COP1: variants seen among roughly 807,000 people sequenced by gnomAD.
COP1 encodes COP1 E3 ubiquitin ligase, also known as E3 ubiquitin-protein ligase COP1.
In COP1, 24 loss-of-function variants were observed where a neutral mutation model predicts 101.3. The observed-to-expected ratio is 0.24, with a 90% CI of 0.17 to 0.33. The LOEUF is 0.33. Ranked by LOEUF, COP1 falls within the 10% of genes least tolerant of loss-of-function variation. The pLI, the probability that COP1 is intolerant of heterozygous loss-of-function variation, is 1.00. For missense variants in COP1, 663 were observed against 906.2 expected, an observed-to-expected ratio of 0.73 and a Z score of 3.45; for synonymous variants, 347 against 341.9, an observed-to-expected ratio of 1.01 and a Z score of -0.17.
At chr1:176,129,818 A>G (rs1170610992) in intron 8 of COP1, among the ~76,000 whole-genome samples, 1 of 151,874 alleles carries the variant, frequency 6.6e-6, no homozygotes, top group Non-Finnish European at 1.5e-5. Context: ...AGATACATTC[A>G]GAAATTTAAA....
intron 9 of COP1, among the ~76,000 whole-genome samples, chr1:176,098,106 T>C (rs1243638121): frequency 6.6e-6 from 1 of 152,184 alleles, no homozygotes; most frequent in East Asian, 1.9e-4. Context: ...GTTTTAAGGT[T>C]ATAACCTGCC....
intron 9 of COP1, among the ~76,000 whole-genome samples, chr1:176,104,401 T>C (rs1404013159): frequency 6.6e-6 from 1 of 152,090 alleles, no homozygotes; most frequent in Non-Finnish European, 1.5e-5. Flanking sequence ...ACACAGGTCA[T>C]AGGTAACAGA....
intron 15 of COP1, among the ~76,000 whole-genome samples, chr1:176,023,758 A>G (rs1667202443): frequency 6.6e-6 from 1 of 151,864 alleles, no homozygotes; most frequent in Admixed American, 6.6e-5. Flanking sequence ...AAGAAAAGAA[A>G]AAGTAAACAC....
At chr1:176,164,416 T>A (rs1694784527) in intron 3 of COP1, among the ~76,000 whole-genome samples, 1 of 152,206 alleles carries the variant, frequency 6.6e-6, no homozygotes, top group Non-Finnish European at 1.5e-5. Context: ...TCAGAGAGGT[T>A]AGATTCCACC....
intron 5 of COP1, among the ~76,000 whole-genome samples, chr1:176,151,952 A>ATT (rs34038117): frequency 1.9e-4 from 26 of 140,254 alleles, no homozygotes; most frequent in African/African-American, 4.2e-4. Context: ...TTTTGAGGGC[A>ATT]TTTTTTTTTT....
intron 15 of COP1, among the ~76,000 whole-genome samples, chr1:176,013,498 C>T (rs1665056939): frequency 6.6e-6 from 1 of 152,128 alleles, no homozygotes. Flanking sequence ...CTACTTGGTT[C>T]TCCTTCCTGC....
chr1:176,198,141 C>T (rs1187832574), intron 1 of COP1, among the ~76,000 whole-genome samples: 1 of 152,072 alleles, frequency 6.6e-6, no homozygotes, highest in Non-Finnish European at 1.5e-5. Flanking sequence ...AATTGGCACG[C>T]TAATCCTAAG....
intron 3 of COP1, among the ~76,000 whole-genome samples, chr1:176,171,164 T>C (rs937303561): frequency 1.3e-5 from 2 of 149,540 alleles, no homozygotes; most frequent in African/African-American, 4.9e-5. Flanking sequence ...CTGTTATATC[T>C]ACACTGAAAA....
At chr1:176,183,350 T>C (rs760904242) in intron 2 of COP1, among the ~76,000 whole-genome samples, 2 of 152,090 alleles carry the variant, frequency 1.3e-5, no homozygotes, top group African/African-American at 4.8e-5. Flanking sequence ...AAGGCTAAAA[T>C]AATATGCCAA....
Position 176,206,468 on chromosome 1 carries a change from C to T in COP1, c.407+104G>A. On this transcript the variant is annotated intron_variant, in intron 1 of 19. Coordinates refer to ENST00000367669, the MANE Select transcript of COP1 (RefSeq NM_022457.7). The stretch of plus-strand genomic sequence containing the variant: ...AGACACCACCACAGCACCAGTATCC[C>T]AAGCTCTCCAACAAGCCACCCCCAC... The T allele has an allele frequency of 5.1e-6, 7 of 1,368,322 alleles. No homozygotes were observed. The South Asian group carries it at 7.2e-5, about 14-fold the overall frequency. 84.8% of individuals were successfully genotyped at this position (1,368,322 alleles called of 1,614,324 possible).
At chr1:176,166,238 C>T (rs1695126704) in intron 3 of COP1, among the ~76,000 whole-genome samples, 2 of 152,212 alleles carry the variant, frequency 1.3e-5, no homozygotes, top group South Asian at 4.1e-4. Flanking sequence ...GCCATCCTCC[C>T]ATCTCAGCCT....
intron 18 of COP1, among the ~76,000 whole-genome samples, chr1:175,951,874 A>G (rs1649964865): frequency 1.7e-5 from 1 of 60,408 alleles, no homozygotes; most frequent in African/African-American, 3.4e-5. Flanking sequence ...AAAAAAATAT[A>G]TGAAAACGTT....
intron 10 of COP1, among the ~76,000 whole-genome samples, chr1:176,084,366 T>C (rs867265777): frequency 2.6e-5 from 4 of 152,114 alleles, no homozygotes; most frequent in Non-Finnish European, 4.4e-5. Context: ...CACAAACAAA[T>C]GGAAGAACAT....
rs146267396 is a variant in COP1, at chr1:176,170,267, T to C, written c.565+5643A>G. Among the ~76,000 whole-genome samples the C allele has an allele frequency of 2.6e-3, 400 of 152,364 alleles. 3 individuals are homozygous for C. The highest frequency in any genetic ancestry group is 9.2e-3 in the African/African-American group (381 of 41,584). ...TCCCATGAAACATGAGTGTTCTTAA[T>C]GGCATCTAGAATGGTGAATCCTTTC... On this transcript the variant is annotated intron_variant, in intron 3 of 19. Transcript: ENST00000367669.
chr1:176,093,413 T>C (rs977085329), intron 9 of COP1, among the ~76,000 whole-genome samples: 1 of 152,168 alleles, frequency 6.6e-6, no homozygotes, highest in Admixed American at 6.5e-5. Flanking sequence ...TACAGATCTC[T>C]TCAAAAGTGA....
chr1:176,133,748 T>A lies in COP1; in HGVS notation c.968+1262A>T, dbSNP rs1253949379. The A allele has an allele frequency of 6.4e-5, 24 of 377,510 alleles. No individual in the cohort carries two copies. The East Asian group carries it at 1.8e-3, about 28-fold the overall frequency. 23.4% of individuals were successfully genotyped at this position (377,510 alleles called of 1,614,324 possible). On this transcript the variant is annotated intron_variant, in intron 8 of 19. Transcript: ENST00000367669. ...TGGAAACAATATATACAAAAAAAAT[T>A]TGCTACTGTTAAACAGAGAGGAAAA...
In COP1 at chr1:176,010,039, A is replaced by T. The variant is rs1664359515; in HGVS notation, c.1729+17533T>A. 3.9e-5 allele frequency among the ~76,000 whole-genome samples: 6 copies of T among 152,108 alleles called. No individual in the cohort carries two copies. In the South Asian group the frequency reaches 1.2e-3, roughly 32 times the overall value. ...TTTCCCTTTTAGCTTTGAAAAAAATATCCAGTCTGCAAAGAAGCTGAAAGA... is the reference window on the plus strand; with the variant it reads ...TTTCCCTTTTAGCTTTGAAAAAAATTTCCAGTCTGCAAAGAAGCTGAAAGA... On this transcript the variant is annotated intron_variant, in intron 15 of 19. Coordinates refer to ENST00000367669, the MANE Select transcript of COP1 (RefSeq NM_022457.7).
intron 11 of COP1, among the ~76,000 whole-genome samples, chr1:176,065,533 C>T (rs1364530224): frequency 6.6e-6 from 1 of 151,966 alleles, no homozygotes; most frequent in Non-Finnish European, 1.5e-5. Flanking sequence ...AACTTGCCAC[C>T]CCAAAATATG....
chr1:176,044,390 A>G (rs1028164537), intron 12 of COP1, among the ~76,000 whole-genome samples: 3 of 152,246 alleles, frequency 2.0e-5, no homozygotes, highest in African/African-American at 7.2e-5. Context: ...AGTCTACAAC[A>G]TCTAAAAACT....
Sources: gnomAD v4.1 joint callset for allele counts (sites outside exome capture counted in the v4.1 genomes callset) on GRCh38, gnomAD v4.1.1 for gene constraint, MANE v1.5 for transcripts, NCBI Gene and HGNC (gene_info 2026-07-23, HGNC 2026-07-21) for gene names.